Variants in VPS41 observed in about 807,000 individuals in gnomAD.
VPS41 encodes the protein vacuolar protein sorting-associated protein 41 homolog.
A neutral mutation model predicts 130.9 loss-of-function variants in VPS41; 85 were observed. The observed-to-expected ratio is 0.65, with a 90% CI of 0.55 to 0.78. The LOEUF (loss-of-function observed/expected upper bound fraction) is 0.78. Ranked by LOEUF, VPS41 falls within the 30% of genes least tolerant of loss-of-function variation. The pLI is 0.00. For synonymous variants in VPS41, 335 were observed against 332.9 expected (o/e 1.01, Z -0.07); for missense variants, 874 against 1,018.7 (o/e 0.86, Z 1.93).
intron 16 of VPS41, among the ~76,000 whole-genome samples, chr7:38,764,367 G>T (rs867898251): frequency 3.3e-5 from 5 of 152,202 alleles, no homozygotes; most frequent in African/African-American, 1.2e-4. Context: ...CCAGAGATGC[G>T]AGATGGCGTC....
intron 10 of VPS41, among the ~76,000 whole-genome samples, chr7:38,788,506 G>T (rs12701671): frequency 0.061 from 9,260 of 152,218 alleles, 424 homozygotes; most frequent in South Asian, 0.13. Context: ...GAAAGAAGAT[G>T]ACAATTGCTA....
At chr7:38,774,359 C>G (rs905564513) in intron 11 of VPS41, 115 bp from the exon 12 acceptor site, 8 of 933,380 alleles carry the variant, frequency 8.6e-6, no homozygotes, top group Non-Finnish European at 1.2e-5. Context: ...GAAGAAATAC[C>G]CAAGACTGGG....
At chr7:38,824,566 T>C (rs1410367627) in intron 5 of VPS41, among the ~76,000 whole-genome samples, 1 of 152,206 alleles carries the variant, frequency 6.6e-6, no homozygotes, top group Non-Finnish European at 1.5e-5. Flanking sequence ...TTCTTCTACA[T>C]GCTATCTTTA....
chr7:38,734,446 A>G (rs1795726105), intron 25 of VPS41, among the ~76,000 whole-genome samples: 1 of 152,194 alleles, frequency 6.6e-6, no homozygotes, highest in African/African-American at 2.4e-5. Context: ...ACAACCTGTT[A>G]CATATTATAT....
intron 2 of VPS41, among the ~76,000 whole-genome samples, chr7:38,885,083 T>G (rs1392284409): frequency 6.6e-6 from 1 of 152,206 alleles, no homozygotes; most frequent in Non-Finnish European, 1.5e-5. Flanking sequence ...TTTATTTATT[T>G]ATTTTTTTGA....
chr7:38,833,892 C>G (rs978076283), intron 4 of VPS41, among the ~76,000 whole-genome samples: 1 of 151,920 alleles, frequency 6.6e-6, no homozygotes, highest in African/African-American at 2.4e-5. Flanking sequence ...AGAAAAAGTA[C>G]AAGTAAATCT....
intron 11 of VPS41, 116 bp from the exon 12 acceptor site, chr7:38,774,360 CA>C: frequency 5.5e-6 from 5 of 914,062 alleles, no homozygotes; most frequent in African/African-American, 1.7e-5. Context: ...AAGAAATACC[CA>C]AGACTGGGTA....
At chr7:38,772,046 CT>C (rs1299469886) in intron 13 of VPS41, among the ~76,000 whole-genome samples, 1 of 150,696 alleles carries the variant, frequency 6.6e-6, no homozygotes, top group Non-Finnish European at 1.5e-5. Flanking sequence ...TGGTTTTTTT[CT>C]TTTTTTTTAA....
chr7:38,893,833 C>T (rs1247387824), intron 2 of VPS41, among the ~76,000 whole-genome samples: 3 of 152,136 alleles, frequency 2.0e-5, no homozygotes, highest in Admixed American at 2.0e-4. Context: ...ATAATACTAA[C>T]TAAACAATTT....
chr7:38,825,766 T>C (rs1785260769), intron 5 of VPS41, among the ~76,000 whole-genome samples: 1 of 152,210 alleles, frequency 6.6e-6, no homozygotes, highest in African/African-American at 2.4e-5. Context: ...CTTAGAAGTA[T>C]GTGGTACATG....
intron 18 of VPS41, among the ~76,000 whole-genome samples, chr7:38,757,944 A>C (rs13228699): frequency 0.1 from 15,268 of 152,218 alleles, 842 homozygotes; most frequent in African/African-American, 0.15. Context: ...CTCTATTATG[A>C]CATCTCTTTT....
At chr7:38,884,708 A>T (rs1252488660) in intron 2 of VPS41, among the ~76,000 whole-genome samples, 1 of 152,192 alleles carries the variant, frequency 6.6e-6, no homozygotes. Context: ...TCTGAGTAAT[A>T]CAATGCGCAC....
At chr7:38,838,296 C>A (rs1785537985) in intron 4 of VPS41, among the ~76,000 whole-genome samples, 1 of 151,862 alleles carries the variant, frequency 6.6e-6, no homozygotes, top group African/African-American at 2.4e-5. Flanking sequence ...TAGAGGGAAA[C>A]CTTCTAGTAC....
chr7:38,858,381 C>T (rs1347809358), intron 4 of VPS41, among the ~76,000 whole-genome samples: 1 of 152,138 alleles, frequency 6.6e-6, no homozygotes, highest in African/African-American at 2.4e-5. Flanking sequence ...AGATCTGTAT[C>T]TTAATGTTAA....
At chr7:38,858,024 G>T (rs965754181) in intron 4 of VPS41, among the ~76,000 whole-genome samples, 1 of 152,196 alleles carries the variant, frequency 6.6e-6, no homozygotes, top group East Asian at 1.9e-4. Flanking sequence ...GTTACGATAA[G>T]GAGTTGTGAA....
intron 4 of VPS41, among the ~76,000 whole-genome samples, chr7:38,859,165 G>A (rs1011653218): frequency 6.6e-6 from 1 of 151,892 alleles, no homozygotes; most frequent in Non-Finnish European, 1.5e-5. Flanking sequence ...AATACATAAA[G>A]AAATATTTTG....
intron 4 of VPS41, among the ~76,000 whole-genome samples, chr7:38,852,276 T>C (rs1785873487): frequency 6.6e-6 from 1 of 152,124 alleles, no homozygotes; most frequent in Admixed American, 6.6e-5. Flanking sequence ...AGATCAGACC[T>C]CCCGGCATCA....
chr7:38,839,843 T>C (rs1785572799), intron 4 of VPS41, among the ~76,000 whole-genome samples: 1 of 152,158 alleles, frequency 6.6e-6, no homozygotes, highest in African/African-American at 2.4e-5. Flanking sequence ...TGATTCAAGA[T>C]GGAGAATATA....
chr7:38,767,433 T>G, intron 15 of VPS41, 104 bp downstream of exon 15: 1 of 598,456 alleles, frequency 1.7e-6, no homozygotes, highest in Non-Finnish European at 2.7e-6. Context: ...GTTAGAAAGA[T>G]GTACAAAAAT....
Sources: allele counts gnomAD v4.1 joint callset (sites outside exome capture counted in the v4.1 genomes callset), GRCh38; gene constraint gnomAD v4.1.1; transcripts MANE v1.5; gene names NCBI Gene and HGNC (gene_info 2026-07-23, HGNC 2026-07-21).